KIF16B: variants seen among roughly 807,000 people sequenced by gnomAD.
The protein encoded by KIF16B is kinesin-like protein KIF16B.
In KIF16B, 98 loss-of-function variants were observed where a neutral mutation model predicts 156.3. The observed-to-expected ratio is 0.63, with a 90% confidence interval of 0.53 to 0.74. The LOEUF is 0.74. Ranked by LOEUF, KIF16B falls within the 30% of genes least tolerant of loss-of-function variation. KIF16B has a pLI of 0.00. For synonymous variants in KIF16B, 564 were observed against 583.7 expected (o/e 0.97, Z 0.49); for missense variants, 1,421 against 1,606.5 (o/e 0.88, Z 1.97).
chr20:16,468,775 CA>C (rs1265284674), intron 12 of KIF16B, among the ~76,000 whole-genome samples: 1 of 151,968 alleles, frequency 6.6e-6, no homozygotes, highest in African/African-American at 2.4e-5. Flanking sequence ...ATGAGAAATG[CA>C]CACATCCAGT....
At chr20:16,288,220 C>A (rs773273973) in intron 25 of KIF16B, among the ~76,000 whole-genome samples, 2 of 152,204 alleles carry the variant, frequency 1.3e-5, no homozygotes, top group Non-Finnish European at 2.9e-5. Flanking sequence ...ACAAAGACAT[C>A]AAAGCACTGT....
chr20:16,530,804 C>T (rs537436063), intron 1 of KIF16B, among the ~76,000 whole-genome samples: 2 of 152,162 alleles, frequency 1.3e-5, no homozygotes, highest in East Asian at 1.9e-4. Context: ...TAGGCTCAAG[C>T]GATTATCCTG....
At position 16,346,735 on chromosome 20, in the gene KIF16B, C is replaced by A. The variant is rs1028896464; in HGVS notation, c.3621+9595G>T. ...TAAAATGTGTGAAGGCCCTGAGAAT[C>A]TGGGAGATGGGGGCCTTTAAGTACA... is the stretch of plus-strand genomic sequence containing the variant. On this transcript the variant is annotated intron_variant, in intron 23 of 25. Coordinates refer to ENST00000354981, the MANE Select transcript of KIF16B (RefSeq NM_024704.5). Among the ~76,000 whole-genome samples the A allele has an allele frequency of 2.0e-5, 3 of 152,222 alleles. No individual in the cohort carries two copies. In the East Asian group the frequency reaches 5.8e-4, roughly 29 times the overall value.
intron 25 of KIF16B, among the ~76,000 whole-genome samples, chr20:16,291,398 C>A (rs1313842266): frequency 6.6e-6 from 1 of 152,178 alleles, no homozygotes; most frequent in Non-Finnish European, 1.5e-5. Context: ...ATTAAACATG[C>A]GCTTCCTTGG....
chr20:16,296,589 T>G (rs1192528131), intron 25 of KIF16B, among the ~76,000 whole-genome samples: 1 of 152,154 alleles, frequency 6.6e-6, no homozygotes, highest in Non-Finnish European at 1.5e-5. Flanking sequence ...CTCAAACACC[T>G]TGTAAATGAG....
intron 25 of KIF16B, among the ~76,000 whole-genome samples, chr20:16,280,344 G>C (rs1490416690): frequency 6.6e-6 from 1 of 152,188 alleles, no homozygotes; most frequent in African/African-American, 2.4e-5. Flanking sequence ...TTGAAAGAAA[G>C]GACAATTTTA....
At chr20:16,461,959 A>G (rs1276272068) in intron 12 of KIF16B, among the ~76,000 whole-genome samples, 1 of 152,208 alleles carries the variant, frequency 6.6e-6, no homozygotes, top group Non-Finnish European at 1.5e-5. Flanking sequence ...ATAAATTTCC[A>G]GATCTACAGC....
rs753050658 is a variant in KIF16B at position 16,429,924 on chromosome 20, G to T, written c.1361C>A (p.Pro454His). The T allele has an allele frequency of 1.2e-6, 2 of 1,612,892 alleles. No homozygotes were observed. Among genetic ancestry groups the T allele is most frequent in the Admixed American group, 3.3e-5 (2 of 59,964 alleles). The change falls in exon 13 of 26, where the codon CCT becomes CAT. Residue 454 changes from proline to histidine, a missense_variant. Transcript: ENST00000354981. ...GIGVVLDSEL[P>H]HLIGIDDDLL... ...GTCATCATCGATGCCAATCAAATGA[G>T]GCAGTTCAGAATCCAAAACAACTCC...
intron 1 of KIF16B, among the ~76,000 whole-genome samples, chr20:16,550,484 GT>G (rs925628512): frequency 2.1e-5 from 3 of 139,836 alleles, no homozygotes; most frequent in South Asian, 2.3e-4. Context: ...TATCATTTTC[GT>G]TTTTTTTCCC....
chr20:16,382,803 G>A (rs1053640032), intron 17 of KIF16B, among the ~76,000 whole-genome samples: 3 of 142,958 alleles, frequency 2.1e-5, no homozygotes, highest in African/African-American at 7.9e-5. Flanking sequence ...ACATTTTTCT[G>A]TTGCGGTAGA....
intron 12 of KIF16B, among the ~76,000 whole-genome samples, chr20:16,463,674 T>C (rs1393725525): frequency 6.6e-6 from 1 of 151,944 alleles, no homozygotes; most frequent in Non-Finnish European, 1.5e-5. Flanking sequence ...CAAGTATGAG[T>C]GATAGTCTTC....
At chr20:16,553,334 C>A (rs565270495) in intron 1 of KIF16B, among the ~76,000 whole-genome samples, 4 of 152,204 alleles carry the variant, frequency 2.6e-5, no homozygotes, top group Non-Finnish European at 5.9e-5. Context: ...CTGACCCCCA[C>A]GCTGTCACGC....
intron 12 of KIF16B, among the ~76,000 whole-genome samples, chr20:16,458,566 G>A (rs1343047729): frequency 6.6e-6 from 1 of 151,998 alleles, no homozygotes; most frequent in Non-Finnish European, 1.5e-5. Flanking sequence ...GAATAAATGT[G>A]GTTTAATATT....
intron 1 of KIF16B, among the ~76,000 whole-genome samples, chr20:16,530,019 AT>A (rs910689836): frequency 6.6e-6 from 1 of 152,200 alleles, no homozygotes; most frequent in African/African-American, 2.4e-5. Flanking sequence ...TTCATCCAAA[AT>A]TTAAAAAACA....
chr20:16,352,357 T>C (rs1352109908), intron 23 of KIF16B, among the ~76,000 whole-genome samples: 1 of 152,168 alleles, frequency 6.6e-6, no homozygotes, highest in Admixed American at 6.5e-5. Context: ...CATAAAAGAG[T>C]TGTTTTTAAT....
At chr20:16,295,832 G>A (rs554195564) in intron 25 of KIF16B, among the ~76,000 whole-genome samples, 3 of 152,208 alleles carry the variant, frequency 2.0e-5, no homozygotes, top group East Asian at 3.9e-4. Flanking sequence ...ATACACCATC[G>A]GTGAAAAGTA....
chr20:16,367,061 A>C, intron 22 of KIF16B: 1 of 1,437,056 alleles, frequency 7.0e-7, no homozygotes, highest in Non-Finnish European at 9.1e-7. Flanking sequence ...ACACGGAGAT[A>C]TTCATATTGC....
At chr20:16,277,342 T>A (rs2063077645) in intron 25 of KIF16B, among the ~76,000 whole-genome samples, 1 of 152,060 alleles carries the variant, frequency 6.6e-6, no homozygotes. Context: ...CCAATATTAC[T>A]GGTGTCTGAT....
At chr20:16,514,076 C>A (rs985507323) in intron 4 of KIF16B, among the ~76,000 whole-genome samples, 35 of 152,020 alleles carry the variant, frequency 2.3e-4, no homozygotes, top group African/African-American at 8.2e-4. Flanking sequence ...GAAAGGATAC[C>A]CAAGCAGCAC....
Sources: gnomAD v4.1 joint callset for allele counts (sites outside exome capture counted in the v4.1 genomes callset) on GRCh38, gnomAD v4.1.1 for gene constraint, MANE v1.5 for transcripts, NCBI Gene and HGNC (gene_info 2026-07-23, HGNC 2026-07-21) for gene names.